The following ENKUR variants were observed in gnomAD, a reference collection of about 807,000 sequenced individuals.
The protein encoded by ENKUR is enkurin.
In ENKUR, 19 loss-of-function variants were observed where a neutral mutation model predicts 27.6. That is an observed-to-expected ratio of 0.69 (90% CI 0.48 to 1.01). The LOEUF (loss-of-function observed/expected upper bound fraction) is 1.01, where lower values mean the gene tolerates loss of function less well. Ranked by LOEUF, ENKUR falls within the 50% of genes least tolerant of loss-of-function variation. ENKUR has a pLI of 0.00. For synonymous variants in ENKUR, 117 were observed against 96.9 expected (o/e 1.21, Z -1.22); for missense variants, 312 against 310.5 (o/e 1.00, Z -0.04).
chr10:25,049,180 T>C (rs1486549301), intron 2 of ENKUR, among the ~76,000 whole-genome samples: 1 of 152,170 alleles, frequency 6.6e-6, no homozygotes, highest in African/African-American at 2.4e-5. Flanking sequence ...AACTGTAAAT[T>C]ACTTAGAGTA....
Position 24,995,676 on chromosome 10 carries a change from T to C in ENKUR, c.417A>G (p.Ser139=). Residue 139 remains serine, a synonymous_variant, in exon 3 of 6, where the codon TCA becomes TCG. Coordinates refer to ENST00000331161, the MANE Select transcript of ENKUR (RefSeq NM_145010.4). The part of the protein sequence containing the change: ...RTGDKHDLEP[S]GLVPKYINKK... Reference sequence around the variant, plus strand: ...TATTGATGTACTTTGGAACTAGTCCTGAAGGCTCAAGATCATGCTTGTCTC... The same window carrying C: ...TATTGATGTACTTTGGAACTAGTCCCGAAGGCTCAAGATCATGCTTGTCTC... The C allele has an allele frequency of 6.2e-7, 1 of 1,613,942 alleles. No individual in the cohort carries two copies. Among genetic ancestry groups the C allele is most frequent in the Non-Finnish European group, 8.5e-7 (1 of 1,179,976 alleles).
chr10:25,024,821 C>G lies in ENKUR; in HGVS notation c.38-28952G>C, dbSNP rs143627424. The G allele has an allele frequency of 6.8e-6, 11 of 1,613,970 alleles. No individual in the cohort carries two copies. In the African/African-American group the frequency reaches 1.2e-4, roughly 18 times the overall value. On this transcript the variant is annotated intron_variant, in intron 2 of 5. Transcript: ENST00000615958. ...ATCCCGATTCGAAAATTTATCTGTG[C>G]CTCTAATCAGAACCATGTTTTGACT...
chr10:25,023,526 A>T, intron 2 of ENKUR: 1 of 1,614,186 alleles, frequency 6.2e-7, no homozygotes, highest in Non-Finnish European at 8.5e-7. Context: ...GTGTGTCTGA[A>T]AAATTACAGG....
intron 2 of ENKUR, chr10:25,021,910 T>C (rs1028901293): frequency 2.6e-5 from 4 of 152,324 alleles, no homozygotes; most frequent in East Asian, 1.9e-4. Flanking sequence ...ATTTTACTTG[T>C]AAGTTAAATT....
chr10:25,029,458 T>A (rs1176755109), intron 2 of ENKUR, among the ~76,000 whole-genome samples: 1 of 152,170 alleles, frequency 6.6e-6, no homozygotes, highest in African/African-American at 2.4e-5. Flanking sequence ...TTAATAGCAA[T>A]TCACTTTCAA....
chr10:25,022,862 A>G (rs1442290670), intron 2 of ENKUR, among the ~76,000 whole-genome samples: 1 of 152,218 alleles, frequency 6.6e-6, no homozygotes, highest in Non-Finnish European at 1.5e-5. Context: ...TTTAGTGTAT[A>G]TATACTTTTA....
At chr10:24,996,176 G>A (rs1041014779) in intron 2 of ENKUR, among the ~76,000 whole-genome samples, 10 of 152,188 alleles carry the variant, frequency 6.6e-5, no homozygotes, top group African/African-American at 1.2e-4. Flanking sequence ...GGCCGGGCAC[G>A]GTGGCCCACG....
At chr10:25,016,955 C>T (rs1293466676), upstream of ENKUR, among the ~76,000 whole-genome samples, 3 of 152,318 alleles carry the variant, frequency 2.0e-5, no homozygotes, top group South Asian at 6.2e-4. Flanking sequence ...CGCCGCGCAG[C>T]CCTGCCCGCC....
At chr10:25,031,136 TA>T (rs2130454586) in intron 2 of ENKUR, among the ~76,000 whole-genome samples, 1 of 152,238 alleles carries the variant, frequency 6.6e-6, no homozygotes, top group African/African-American at 2.4e-5. Context: ...AAATAATAAA[TA>T]ATTAAAGACA....
At position 24,984,834 on chromosome 10, in the gene ENKUR, T is replaced by C. The variant is rs564601772; in HGVS notation, c.666A>G (p.Pro222=). 4.0e-5 allele frequency: 65 copies of C among 1,613,874 alleles called. No individual in the cohort carries two copies. In the East Asian group the frequency reaches 1.3e-3, roughly 32 times the overall value. ...CCAGCCTCTGCTTGCGGATCTTCTT[T>C]GGTATAGAATCTATAAAGACCGAGA... ...QSLSVFIDSI[P]KKIRKQRLEE... The change falls in exon 5 of 6, where the codon CCA becomes CCG. Residue 222 remains proline (P), a synonymous_variant. Transcript: ENST00000331161.
chr10:25,004,013 C>T (rs1850254601), intron 1 of ENKUR, among the ~76,000 whole-genome samples: 1 of 152,230 alleles, frequency 6.6e-6, no homozygotes, highest in African/African-American at 2.4e-5. Flanking sequence ...GGACTCTGAA[C>T]TCTGGAGACT....
intron 2 of ENKUR, among the ~76,000 whole-genome samples, chr10:25,057,389 ACAC>A (rs1272457269): frequency 1.5e-3 from 166 of 111,906 alleles, no homozygotes; most frequent in African/African-American, 5.5e-3. Context: ...GTACACACAC[ACAC>A]ACACACACAC....
At chr10:24,992,648 C>G (rs1729619997) in intron 3 of ENKUR, among the ~76,000 whole-genome samples, 1 of 152,176 alleles carries the variant, frequency 6.6e-6, no homozygotes, top group African/African-American at 2.4e-5. Context: ...AGAAGCAGAG[C>G]CTGTAACAAC....
At chr10:25,054,864 C>G (rs1667415444) in intron 2 of ENKUR, among the ~76,000 whole-genome samples, 1 of 151,908 alleles carries the variant, frequency 6.6e-6, no homozygotes, top group African/African-American at 2.4e-5. Flanking sequence ...TTTGTAGAGA[C>G]AGGGTCTTGC....
chr10:25,048,197 G>A (rs1232859902), intron 2 of ENKUR, among the ~76,000 whole-genome samples: 1 of 152,118 alleles, frequency 6.6e-6, no homozygotes, highest in Non-Finnish European at 1.5e-5. Flanking sequence ...AAGCCAAGGA[G>A]TATTAGTAAG....
intron 2 of ENKUR, among the ~76,000 whole-genome samples, chr10:25,038,488 A>G (rs945855838): frequency 6.6e-6 from 1 of 152,228 alleles, no homozygotes; most frequent in African/African-American, 2.4e-5. Context: ...CTATACAGAC[A>G]TCTGTTTATA....
chr10:24,984,589 T>G, intron 5 of ENKUR, 147 bp downstream of exon 5: 2 of 1,030,852 alleles, frequency 1.9e-6, no homozygotes, highest in South Asian at 3.6e-5. Flanking sequence ...ACTCAATTAT[T>G]CTTTGCATAT....
At position 24,990,398 on chromosome 10, in the gene ENKUR, G is replaced by GGTAC; in HGVS notation, c.594+61_594+64dup. The GGTAC allele has an allele frequency of 3.2e-6, 5 of 1,539,864 alleles. No homozygotes were observed. The South Asian group carries it at 5.1e-5, about 16-fold the overall frequency. ...TGCTGACTTTAATCATCAAAGTGAT[G>GGTAC]GTACACCTTTCTTTCAGAGATGATC... On this transcript the variant is annotated intron_variant, in intron 4 of 5. Coordinates refer to ENST00000331161, the MANE Select transcript of ENKUR (RefSeq NM_145010.4).
intron 1 of ENKUR, among the ~76,000 whole-genome samples, chr10:25,011,238 G>A (rs1302379204): frequency 1.3e-5 from 2 of 152,164 alleles, no homozygotes; most frequent in Non-Finnish European, 2.9e-5. Flanking sequence ...CTGCATAAAT[G>A]TCTTCTTTTG....
Sources: gnomAD v4.1 joint callset for allele counts (sites outside exome capture counted in the v4.1 genomes callset) on GRCh38, gnomAD v4.1.1 for gene constraint, MANE v1.5 for transcripts, NCBI Gene and HGNC (gene_info 2026-07-23, HGNC 2026-07-21) for gene names.